The following RFC1 variants were observed in gnomAD, a reference collection of about 807,000 sequenced individuals.
RFC1 encodes the protein A1 140 kDa subunit.
A neutral mutation model predicts 137.4 loss-of-function variants in RFC1; 37 were observed. The observed-to-expected ratio is 0.27, with a 90% CI of 0.21 to 0.35. RFC1 has a LOEUF of 0.35. Ranked by LOEUF, RFC1 falls within the 10% of genes least tolerant of loss-of-function variation. RFC1 has a pLI of 1.00. For missense variants in RFC1, 1,205 were observed against 1,358.5 expected (o/e 0.89, Z 1.78); for synonymous variants, 429 against 455.7 (o/e 0.94, Z 0.75).
intron 9 of RFC1, chr4:39,317,944 C>G (rs1210145220): frequency 6.6e-6 from 1 of 152,202 alleles, no homozygotes; most frequent in African/African-American, 2.4e-5. Context: ...ATCACGAGGT[C>G]AGGAGATCGA....
rs17288019 is a variant in RFC1, at chr4:39,335,968, T to C, written c.331+6377A>G. Among the ~76,000 whole-genome samples, 3 of 152,190 alleles carry C rather than the reference T, an allele frequency of 2.0e-5. No homozygotes were observed. The South Asian group carries it at 6.2e-4, about 32-fold the overall frequency. ...GAATACAGTCCTATGTCTCTCACAG[T>C]TTCACAAGTGCCTGACAGTAAAGTA... On this transcript the variant is annotated intron_variant, in intron 4 of 24. Transcript: ENST00000349703.
At chr4:39,294,877 G>A (rs1196928956) in intron 22 of RFC1, among the ~76,000 whole-genome samples, 1 of 151,952 alleles carries the variant, frequency 6.6e-6, no homozygotes, top group African/African-American at 2.4e-5. Flanking sequence ...GGTGGCGTGC[G>A]CCTATAATCC....
Position 39,345,410 on chromosome 4 carries a change from A to G in RFC1, c.199T>C (p.Tyr67His), listed in dbSNP as rs1560617691. ...KQPSKKKRII[Y>H]DSDSESEETL... is the part of the protein sequence containing the mutation. ...CAGAAGAAATTATTACCTGAATCAT[A>G]GATGATCCTCTTTTTCTTGCTTGGT... The change falls in exon 3 of 25, where the codon TAT (tyrosine) becomes CAT (histidine). Residue 67 changes from tyrosine (Y) to histidine (H), a missense_variant. Physicochemically the swap from Tyr to His is moderately conservative, Grantham distance 83 (BLOSUM62 2). Coordinates refer to ENST00000349703, the MANE Select transcript of RFC1 (RefSeq NM_002913.5). 4 of 1,613,702 alleles carry G rather than the reference A, an allele frequency of 2.5e-6. No individual in the cohort carries two copies. Among genetic ancestry groups the G allele is most frequent in the Non-Finnish European group, 3.4e-6 (4 of 1,179,728 alleles).
At chr4:39,313,197 C>T (rs1376540521) in intron 10 of RFC1, among the ~76,000 whole-genome samples, 2 of 152,122 alleles carry the variant, frequency 1.3e-5, no homozygotes, top group African/African-American at 2.4e-5. Context: ...ATTAAAATTA[C>T]CCATTCATAC....
intron 2 of RFC1, among the ~76,000 whole-genome samples, chr4:39,348,439 G>GAAAAGAAAAGAAAAGAAAAGAA (rs1740994056): frequency 9.3e-6 from 1 of 107,534 alleles, no homozygotes; most frequent in African/African-American, 3.7e-5. Flanking sequence ...GAAAAGAAAA[G>GAAAAGAAAAGAAAAGAAAAGAA]AAAAGAAAAG....
At position 39,355,193 on chromosome 4, in the gene RFC1, C is replaced by T. The variant is rs184995080; in HGVS notation, c.4-3717G>A. 3.5e-3 allele frequency among the ~76,000 whole-genome samples: 503 copies of T among 145,118 alleles called. 7 individuals are homozygous for T. The highest frequency in any genetic ancestry group is 0.032 in the Admixed American group (454 of 14,328). ...ATCCCAACACTTTGAGAGGCCAAGG[C>T]GGGAGGATCATTTGAGCCCAAGAGT... is the stretch of plus-strand genomic sequence containing the variant. On this transcript the variant is annotated intron_variant, in intron 1 of 24. Coordinates refer to ENST00000349703, the MANE Select transcript of RFC1 (RefSeq NM_002913.5).
intron 3 of RFC1, among the ~76,000 whole-genome samples, chr4:39,343,395 T>C (rs551000530): frequency 6.6e-6 from 1 of 152,320 alleles, no homozygotes; most frequent in African/African-American, 2.4e-5. Flanking sequence ...CCCTTTGCCA[T>C]ATAACCTAAT....
intron 19 of RFC1, among the ~76,000 whole-genome samples, chr4:39,301,771 C>A (rs972705819): frequency 6.6e-6 from 1 of 152,150 alleles, no homozygotes; most frequent in Non-Finnish European, 1.5e-5. Context: ...CATAGCGAGA[C>A]CCTGTCTCTA....
intron 1 of RFC1, among the ~76,000 whole-genome samples, chr4:39,363,399 T>C (rs529609540): frequency 3.5e-4 from 54 of 152,390 alleles, no homozygotes; most frequent in African/African-American, 1.3e-3. Context: ...TCCTTCTGTA[T>C]CTTTCCAGAG....
rs770746199 is a variant in RFC1, at chr4:39,312,890, T to C, written c.1245A>G (p.Thr415=). The part of the protein sequence containing the change: ...NCLEGLIFVI[T]GVLESIERDE... ...CTCGTTCAATAGACTCCAGCACGCC[T>C]GTGATTACAAATATAAGGCCTTCCA... The change falls in exon 11 of 25, where the codon ACA becomes ACG. Residue 415 remains threonine, a synonymous_variant. Transcript: ENST00000349703. 5.0e-6 allele frequency: 8 copies of C among 1,613,946 alleles called. No individual in the cohort carries two copies. In the East Asian group the frequency reaches 1.8e-4, roughly 36 times the overall value.
At chr4:39,356,342 T>C (rs1741480368) in intron 1 of RFC1, among the ~76,000 whole-genome samples, 1 of 151,968 alleles carries the variant, frequency 6.6e-6, no homozygotes, top group Admixed American at 6.6e-5. Flanking sequence ...GAGGGTGCAG[T>C]GGACCAAGAT....
intron 21 of RFC1, among the ~76,000 whole-genome samples, chr4:39,298,774 C>G (rs923371057): frequency 2.0e-5 from 3 of 152,202 alleles, no homozygotes; most frequent in Admixed American, 6.5e-5. Context: ...TCTAACATTC[C>G]TATTTCTATG....
intron 6 of RFC1, among the ~76,000 whole-genome samples, chr4:39,326,274 T>A (rs900130733): frequency 6.6e-6 from 1 of 152,200 alleles, no homozygotes; most frequent in Non-Finnish European, 1.5e-5. Flanking sequence ...ATAATTAACA[T>A]CCTTTTTGTA....
At chr4:39,316,187 G>A (rs566917683) in intron 10 of RFC1, among the ~76,000 whole-genome samples, 34 of 152,276 alleles carry the variant, frequency 2.2e-4, no homozygotes, top group African/African-American at 6.7e-4. Flanking sequence ...CTGAGATTGC[G>A]CCACTGCACT....
chr4:39,354,749 CAAAA>C (rs34342477), intron 1 of RFC1, among the ~76,000 whole-genome samples: 1 of 51,006 alleles, frequency 2.0e-5, no homozygotes, highest in African/African-American at 7.6e-5. Context: ...GAAACTATCT[CAAAA>C]AAAAAAAAAA....
rs138454519 is a variant in RFC1 at position 39,358,304 on chromosome 4, T to C, written c.4-6828A>G. ...AAAGAAATTAAGTCCAAACTGAAAA[T>C]AGACCTACAACATAATAAAATAACT... On this transcript the variant is annotated intron_variant, in intron 1 of 24. Coordinates refer to ENST00000349703, the MANE Select transcript of RFC1 (RefSeq NM_002913.5). Among the ~76,000 whole-genome samples the C allele has an allele frequency of 3.4e-3, 520 of 152,102 alleles. 7 individuals carry two copies. The highest frequency in any genetic ancestry group is 0.03 in the Admixed American group (465 of 15,266).
At chr4:39,336,983 T>C (rs1260969506) in intron 4 of RFC1, among the ~76,000 whole-genome samples, 1 of 151,980 alleles carries the variant, frequency 6.6e-6, no homozygotes, top group Non-Finnish European at 1.5e-5. Flanking sequence ...TAAAACTAGA[T>C]GACATGAAAA....
chr4:39,356,054 C>CA (rs1741463550), intron 1 of RFC1: 1 of 149,260 alleles, frequency 6.7e-6, no homozygotes, highest in Admixed American at 6.7e-5. Flanking sequence ...AATCTAGCCA[C>CA]ACTTACCAAA....
chr4:39,348,883 T>TA (rs11420766), intron 2 of RFC1, among the ~76,000 whole-genome samples: 148,671 of 152,288 alleles, frequency 0.98, 72,672 homozygotes, highest in Middle Eastern at 1. Flanking sequence ...AGCCAAAGAG[T>TA]TTATTTTCAA....
Sources: allele counts gnomAD v4.1 joint callset (sites outside exome capture counted in the v4.1 genomes callset), GRCh38; gene constraint gnomAD v4.1.1; transcripts MANE v1.5; gene names NCBI Gene and HGNC (gene_info 2026-07-23, HGNC 2026-07-21).